NAPEPLD: variants seen among roughly 807,000 people sequenced by gnomAD.
The protein encoded by NAPEPLD is N-acyl-phosphatidylethanolamine-hydrolyzing phospholipase D.
NAPEPLD carries 23 observed loss-of-function variants against 38.1 expected under a neutral mutation model. That is an observed-to-expected ratio of 0.60 (90% CI 0.43 to 0.86). The LOEUF (loss-of-function observed/expected upper bound fraction) is 0.86. Ranked by LOEUF, NAPEPLD falls within the 40% of genes least tolerant of loss-of-function variation. NAPEPLD has a pLI of 0.00. For missense variants in NAPEPLD, 411 were observed against 476.8 expected, an observed-to-expected ratio of 0.86 and a Z score of 1.28; for synonymous variants, 147 against 162.0, an observed-to-expected ratio of 0.91 and a Z score of 0.71.
At chr7:103,103,931 T>C (rs186939716) in intron 4 of NAPEPLD, among the ~76,000 whole-genome samples, 29 of 152,166 alleles carry the variant, frequency 1.9e-4, no homozygotes, top group Non-Finnish European at 3.2e-4. Flanking sequence ...TTGAAAAATA[T>C]AGAAATCAAA....
upstream of NAPEPLD, chr7:103,149,398 C>T (rs1468228926): frequency 3.4e-6 from 4 of 1,192,588 alleles, no homozygotes; most frequent in South Asian, 2.9e-5. Flanking sequence ...CGCTCGGGTT[C>T]TTCCTAACCC....
chr7:103,149,367 G>T, upstream of NAPEPLD: 1 of 1,165,076 alleles, frequency 8.6e-7, no homozygotes, highest in Non-Finnish European at 1.1e-6. Context: ...GCCGCGTAGC[G>T]GGAGGGGCGA....
At chr7:103,108,850 CAT>C (rs1215182657) in intron 4 of NAPEPLD, among the ~76,000 whole-genome samples, 3 of 152,254 alleles carry the variant, frequency 2.0e-5, no homozygotes, top group South Asian at 2.1e-4. Context: ...AGACCCAACT[CAT>C]GTGCAAAGAC....
At chr7:103,123,780 T>G (rs889688698) in intron 2 of NAPEPLD, among the ~76,000 whole-genome samples, 2 of 152,166 alleles carry the variant, frequency 1.3e-5, no homozygotes, top group Non-Finnish European at 2.9e-5. Context: ...CTTCCTCTCA[T>G]TAAATCTCAT....
In NAPEPLD at chr7:103,130,350, G is replaced by A. The variant is rs142728756; in HGVS notation, c.-16-1558C>T. On this transcript the variant is annotated intron_variant, in intron 1 of 4. Coordinates refer to ENST00000465647, the MANE Select transcript of NAPEPLD (RefSeq NM_001122838.3). ...CCAGCTGACTAAAGCTAAAGCACAC[G>A]CTGTTGCTCAGCCATCGCTGTATGT... 9.8e-4 allele frequency among the ~76,000 whole-genome samples: 149 copies of A among 152,272 alleles called. 2 individuals are homozygous for A. The highest frequency in any genetic ancestry group is 3.4e-3 in the African/African-American group (140 of 41,540).
In NAPEPLD at chr7:103,115,187, G is replaced by A; in HGVS notation, c.942-13C>T. ...TTTCATAAACCACCTGAAGAAACATGGCAATTTCTTAATTCTGACCTTTGA... is the reference window on the plus strand; with the variant it reads ...TTTCATAAACCACCTGAAGAAACATAGCAATTTCTTAATTCTGACCTTTGA... On this transcript the variant is annotated splice_polypyrimidine_tract_variant and intron_variant, in intron 3 of 4. Coordinates refer to ENST00000465647, the MANE Select transcript of NAPEPLD (RefSeq NM_001122838.3). 6.3e-7 allele frequency: 1 copy of A among 1,581,908 alleles called. No homozygotes were observed. Among genetic ancestry groups the A allele is most frequent in the South Asian group, 1.1e-5 (1 of 88,712 alleles).
chr7:103,148,275 A>T (rs1323289632), intron 1 of NAPEPLD, among the ~76,000 whole-genome samples: 3 of 152,188 alleles, frequency 2.0e-5, no homozygotes, highest in African/African-American at 7.2e-5. Flanking sequence ...AGTCAGTCAT[A>T]TTATAACATG....
At chr7:103,105,162 A>G (rs1803054313) in intron 4 of NAPEPLD, among the ~76,000 whole-genome samples, 1 of 152,180 alleles carries the variant, frequency 6.6e-6, no homozygotes, top group Non-Finnish European at 1.5e-5. Context: ...AGTGACTGAG[A>G]GCTCACAGTC....
In NAPEPLD at chr7:103,128,736, CT is replaced by C. The variant is rs752733400; in HGVS notation, c.40del (p.Ser14AlafsTer8). The C allele has an allele frequency of 6.2e-7, 1 of 1,613,892 alleles. No individual in the cohort carries two copies. Among genetic ancestry groups the C allele is most frequent in the Non-Finnish European group, 8.5e-7 (1 of 1,179,996 alleles). ...TCTTACTGCTTCTTTAGGATATTGGCTGCTTGTCATCAGAGACTGGTTGCTT... is the reference window on the plus strand; with the variant it reads ...TCTTACTGCTTCTTTAGGATATTGGCGCTTGTCATCAGAGACTGGTTGCTT... Reference protein sequence around the residue: ...NESNQSLMTSSQYPKEAVRKR... With the variant: ...NESNQSLMTSXQYPKEAVRKR... On this transcript the variant is annotated frameshift_variant, in exon 2 of 5. Coordinates refer to ENST00000465647, the MANE Select transcript of NAPEPLD (RefSeq NM_001122838.3). LOFTEE classifies it high-confidence loss of function.
intron 1 of NAPEPLD, among the ~76,000 whole-genome samples, chr7:103,138,539 G>A (rs1810559059): frequency 6.6e-6 from 1 of 150,822 alleles, no homozygotes; most frequent in Admixed American, 6.6e-5. Flanking sequence ...TGCGATCTCA[G>A]CTCACTGCAA....
intron 1 of NAPEPLD, among the ~76,000 whole-genome samples, chr7:103,129,608 C>T (rs1808513126): frequency 6.6e-6 from 1 of 152,074 alleles, no homozygotes; most frequent in South Asian, 2.1e-4. Context: ...AACAGCCAGT[C>T]CAAATCCCTG....
chr7:103,135,346 G>A (rs1416057019), intron 1 of NAPEPLD, among the ~76,000 whole-genome samples: 1 of 152,158 alleles, frequency 6.6e-6, no homozygotes, highest in African/African-American at 2.4e-5. Context: ...AAGGGCTTCA[G>A]TGGGGGTAAA....
chr7:103,128,830 T>C, intron 1 of NAPEPLD, 38 bp from the exon 2 acceptor site: 1 of 1,555,800 alleles, frequency 6.4e-7, no homozygotes, highest in African/African-American at 1.4e-5. Context: ...GAGTTGAACA[T>C]AAAGGCATTC....
At chr7:103,140,384 ACTC>A (rs1330732743) in intron 1 of NAPEPLD, among the ~76,000 whole-genome samples, 1 of 114,718 alleles carries the variant, frequency 8.7e-6, no homozygotes, top group Non-Finnish European at 1.7e-5. Context: ...AATTCACAGA[ACTC>A]TTTTTTTTTT....
chr7:103,141,018 T>C (rs1417442838), intron 1 of NAPEPLD, among the ~76,000 whole-genome samples: 1 of 152,078 alleles, frequency 6.6e-6, no homozygotes, highest in Non-Finnish European at 1.5e-5. Context: ...AAGTTTCCCC[T>C]AAAGCATTTC....
chr7:103,100,826 A>C lies in NAPEPLD; in HGVS notation c.*2603T>G, dbSNP rs2129525250. ...AAAATAAAGTGGAACCCACTCAATA[A>C]GGTGAGATTCTGTAAGCAGAGATGA... On this transcript the variant is annotated 3_prime_UTR_variant, in exon 5 of 5. Coordinates refer to ENST00000465647, the MANE Select transcript of NAPEPLD (RefSeq NM_001122838.3). The C allele has an allele frequency of 6.6e-6, 1 of 152,370 alleles. No individual in the cohort carries two copies. Among genetic ancestry groups the C allele is most frequent in the African/African-American group, 2.4e-5 (1 of 41,588 alleles). 9.4% of individuals were successfully genotyped at this position (152,370 alleles called of 1,614,324 possible). A position where few individuals can be genotyped will look rare whatever the true frequency, so the allele number is the denominator to read the frequency against.
chr7:103,120,422 T>C (rs1806416492), intron 2 of NAPEPLD, among the ~76,000 whole-genome samples, 199 bp from the exon 3 acceptor site: 3 of 152,322 alleles, frequency 2.0e-5, no homozygotes, highest in South Asian at 4.1e-4. Context: ...ATCATGATAA[T>C]ATGGTAATCT....
chr7:103,141,492 C>T (rs984885798), intron 1 of NAPEPLD: 7 of 1,403,908 alleles, frequency 5.0e-6, no homozygotes, highest in Non-Finnish European at 6.1e-6. Flanking sequence ...TTCTTGCGGG[C>T]CTTGTCTGCC....
At chr7:103,140,855 T>C (rs1380464719) in intron 1 of NAPEPLD, among the ~76,000 whole-genome samples, 1 of 152,182 alleles carries the variant, frequency 6.6e-6, no homozygotes, top group Non-Finnish European at 1.5e-5. Context: ...TGAAAACTCA[T>C]GATACTAATG....
Sources: gnomAD v4.1 joint callset for allele counts (sites outside exome capture counted in the v4.1 genomes callset) on GRCh38, gnomAD v4.1.1 for gene constraint, MANE v1.5 for transcripts, NCBI Gene and HGNC (gene_info 2026-07-23, HGNC 2026-07-21) for gene names.